The following GRID1 variants were observed in gnomAD, a reference collection of about 807,000 sequenced individuals.
GRID1 encodes the protein glutamate receptor ionotropic, delta-1.
Under a neutral mutation model 98.0 loss-of-function variants are expected in GRID1, and 28 were observed. That is an observed-to-expected ratio of 0.29 (90% confidence interval 0.21 to 0.39). The LOEUF (loss-of-function observed/expected upper bound fraction) is 0.39, where lower values mean the gene tolerates loss of function less well. Ranked by LOEUF, GRID1 falls within the 10% of genes least tolerant of loss-of-function variation. The probability of loss-of-function intolerance (pLI) is 1.00; values close to 1 mark genes in which losing one functional copy is unlikely to be tolerated. For missense variants in GRID1, 1,111 were observed against 1,340.5 expected (o/e 0.83, Z 2.67); for synonymous variants, 553 against 538.5 (o/e 1.03, Z -0.37).
chr10:86,248,594 T>C, intron 2 of GRID1, among the ~76,000 whole-genome samples: 1 of 124,122 alleles, frequency 8.1e-6, no homozygotes. Context: ...TTTTTTTTTT[T>C]TGAGACAAGG....
At chr10:85,926,324 G>C (rs1430834476) in intron 4 of GRID1, among the ~76,000 whole-genome samples, 3 of 152,164 alleles carry the variant, frequency 2.0e-5, no homozygotes, top group African/African-American at 7.2e-5. Flanking sequence ...GACCACGGGG[G>C]GCTCTGAGGT....
chr10:86,046,377 G>C (rs1464776652), intron 4 of GRID1, among the ~76,000 whole-genome samples: 1 of 152,170 alleles, frequency 6.6e-6, no homozygotes, highest in Non-Finnish European at 1.5e-5. Flanking sequence ...CCATAAAGCT[G>C]TTTTCTTCTA....
chr10:85,667,638 G>A (rs1564553533), intron 12 of GRID1, among the ~76,000 whole-genome samples: 1 of 152,160 alleles, frequency 6.6e-6, no homozygotes, highest in Non-Finnish European at 1.5e-5. Flanking sequence ...ACTCCTAACC[G>A]TGCTCCTGCA....
intron 4 of GRID1, among the ~76,000 whole-genome samples, chr10:85,941,756 G>A (rs1391385069): frequency 6.6e-6 from 1 of 152,088 alleles, no homozygotes; most frequent in African/African-American, 2.4e-5. Context: ...TGCAAAAGAG[G>A]GCATCTTTAG....
chr10:86,155,902 G>A (rs530531621), intron 3 of GRID1, among the ~76,000 whole-genome samples: 32 of 152,294 alleles, frequency 2.1e-4, no homozygotes, highest in African/African-American at 7.2e-4. Flanking sequence ...GGAAACCTCT[G>A]AGCAACAGGA....
chr10:85,797,954 C>T (rs1199824257), intron 8 of GRID1, among the ~76,000 whole-genome samples: 6 of 152,110 alleles, frequency 3.9e-5, no homozygotes, highest in Non-Finnish European at 1.5e-5. Context: ...CAATGAAATA[C>T]TTTTTAGTGG....
In GRID1 at chr10:86,104,319, C is replaced by G. The variant is rs184481395; in HGVS notation, c.726+34500G>C. Among the ~76,000 whole-genome samples the G allele has an allele frequency of 1.5e-3, 231 of 152,348 alleles. 1 individual carries two copies. Among genetic ancestry groups the G allele is most frequent in the African/African-American group, 5.4e-3 (226 of 41,586 alleles). On this transcript the variant is annotated intron_variant, in intron 4 of 15. Coordinates refer to ENST00000327946, the MANE Select transcript of GRID1 (RefSeq NM_017551.3). ...TGAAGTTCCCTCCAACTCTGGAAGCCAGGCCTCAGCAGGTGCAGGGGTGGC... is the reference window on the plus strand; with the variant it reads ...TGAAGTTCCCTCCAACTCTGGAAGCGAGGCCTCAGCAGGTGCAGGGGTGGC...
chr10:85,854,661 A>T, intron 7 of GRID1, 46 bp from the exon 8 acceptor site: 1 of 1,610,104 alleles, frequency 6.2e-7, no homozygotes, highest in South Asian at 1.1e-5. Flanking sequence ...GTTAAGGTAG[A>T]GGATGGAGTC....
chr10:85,880,812 A>G (rs1423343516), intron 5 of GRID1, among the ~76,000 whole-genome samples: 1 of 152,200 alleles, frequency 6.6e-6, no homozygotes, highest in Non-Finnish European at 1.5e-5. Context: ...GTATTCAATT[A>G]GGAAAAGAGT....
At chr10:85,802,847 AC>A (rs1842589712) in intron 8 of GRID1, among the ~76,000 whole-genome samples, 3 of 136,362 alleles carry the variant, frequency 2.2e-5, no homozygotes, top group Admixed American at 2.2e-4. Context: ...AAACACACAC[AC>A]ACACACACAC....
chr10:86,277,883 T>C (rs1564726858), intron 2 of GRID1, among the ~76,000 whole-genome samples: 1 of 152,102 alleles, frequency 6.6e-6, no homozygotes, highest in Non-Finnish European at 1.5e-5. Flanking sequence ...TGTAAATGGG[T>C]TAAACTATAA....
intron 8 of GRID1, among the ~76,000 whole-genome samples, chr10:85,782,999 T>G (rs948375830): frequency 2.6e-5 from 4 of 152,058 alleles, no homozygotes; most frequent in Non-Finnish European, 4.4e-5. Context: ...AAAGATGATC[T>G]CTCCACGTCT....
chr10:86,134,990 G>A (rs746219385), intron 4 of GRID1, among the ~76,000 whole-genome samples: 5 of 152,226 alleles, frequency 3.3e-5, no homozygotes, highest in Admixed American at 6.5e-5. Flanking sequence ...CTTGGCACAG[G>A]CTGGGGCTCA....
chr10:85,909,248 A>C (rs1479818626), intron 5 of GRID1, among the ~76,000 whole-genome samples: 1 of 152,198 alleles, frequency 6.6e-6, no homozygotes, highest in African/African-American at 2.4e-5. Flanking sequence ...GAGGACCATT[A>C]CACACCCATC....
At chr10:85,966,232 C>T (rs563895910) in intron 4 of GRID1, among the ~76,000 whole-genome samples, 7 of 152,212 alleles carry the variant, frequency 4.6e-5, no homozygotes, top group Admixed American at 4.6e-4. Flanking sequence ...TCTGTAATAA[C>T]AGTTAGGAAA....
intron 5 of GRID1, among the ~76,000 whole-genome samples, chr10:85,891,187 A>AT (rs539749691): frequency 4.6e-5 from 7 of 152,126 alleles, no homozygotes; most frequent in Non-Finnish European, 7.4e-5. Context: ...TTAACACCTC[A>AT]TTTTTTTTAT....
chr10:86,107,204 C>T (rs1274152985), intron 4 of GRID1, among the ~76,000 whole-genome samples: 2 of 152,238 alleles, frequency 1.3e-5, no homozygotes, highest in Non-Finnish European at 2.9e-5. Flanking sequence ...ACACCTGCAT[C>T]CTATCCAGGT....
At position 85,916,157 on chromosome 10, in the gene GRID1, C is replaced by T. The variant is rs777654023; in HGVS notation, c.780+29G>A. ...AAGGGGCTAGGGGCTCAGTCCAGGC[C>T]GTGCTCATCACATTTCTAGAGCCCT... On this transcript the variant is annotated intron_variant, in intron 5 of 15. Transcript: ENST00000327946. The surrounding 1 kb of genome is among the most constrained non-coding windows in gnomAD (Gnocchi z 4.0). 5.8e-5 allele frequency: 91 copies of T among 1,562,372 alleles called. No individual in the cohort carries two copies. The highest frequency in any genetic ancestry group is 8.3e-5 in the Admixed American group (5 of 59,900).
chr10:86,132,850 A>T (rs1844858619), intron 4 of GRID1, among the ~76,000 whole-genome samples: 1 of 152,228 alleles, frequency 6.6e-6, no homozygotes, highest in African/African-American at 2.4e-5. Flanking sequence ...ATTGACCTCC[A>T]GGCACACTCC....
Sources: allele counts gnomAD v4.1 joint callset (sites outside exome capture counted in the v4.1 genomes callset), GRCh38; gene constraint gnomAD v4.1.1; non-coding constraint Gnocchi (gnomAD v3.1); transcripts MANE v1.5; gene names NCBI Gene and HGNC (gene_info 2026-07-23, HGNC 2026-07-21).